OCA2: variants seen among roughly 807,000 people sequenced by gnomAD.
OCA2 encodes the protein OCA2 melanosomal transmembrane protein.
A neutral mutation model predicts 100.2 loss-of-function variants in OCA2; 77 were observed. The ratio of observed to expected loss-of-function variants is 0.77; its 90% CI spans 0.64 to 0.93. The LOEUF is 0.93. Among genes scored for constraint, OCA2 ranks in the 40% least tolerant of loss-of-function variants. The pLI is 0.00. For missense variants in OCA2, 1,062 were observed against 1,089.1 expected, an observed-to-expected ratio of 0.98 and a Z score of 0.35; for synonymous variants, 432 against 439.2, an observed-to-expected ratio of 0.98 and a Z score of 0.21.
At chr15:27,886,920 C>G (rs2037245689) in intron 19 of OCA2, among the ~76,000 whole-genome samples, 1 of 152,154 alleles carries the variant, frequency 6.6e-6, no homozygotes. Flanking sequence ...TGTCCCCACC[C>G]AAATCTCATC....
the OCA2 span, among the ~76,000 whole-genome samples, chr15:27,738,246 CA>C: frequency 6.6e-6 from 1 of 152,070 alleles, no homozygotes; most frequent in Non-Finnish European, 1.5e-5. Context: ...GACCTAGAAA[CA>C]AAAAACAGCC....
intron 14 of OCA2, among the ~76,000 whole-genome samples, chr15:27,974,345 G>A (rs1056695115): frequency 2.6e-5 from 4 of 152,218 alleles, no homozygotes; most frequent in African/African-American, 9.7e-5. Flanking sequence ...ATGTATGGCT[G>A]TGCTGTCACT....
At chr15:27,959,017 C>T (rs554322081) in intron 15 of OCA2, among the ~76,000 whole-genome samples, 9 of 152,256 alleles carry the variant, frequency 5.9e-5, no homozygotes, top group East Asian at 5.8e-4. Context: ...TCACCCACTG[C>T]GTGGCAGACC....
chr15:27,816,801 T>C (rs535243029), intron 23 of OCA2, among the ~76,000 whole-genome samples: 96 of 152,240 alleles, frequency 6.3e-4, no homozygotes, highest in African/African-American at 2.2e-3. Flanking sequence ...ACGTGGCCTA[T>C]AGGAGCAGGA....
chr15:27,832,964 C>T (rs2035019230), intron 23 of OCA2, among the ~76,000 whole-genome samples: 1 of 150,918 alleles, frequency 6.6e-6, no homozygotes, highest in Non-Finnish European at 1.5e-5. Flanking sequence ...CAGGCATATG[C>T]CACCACGCCC....
chr15:27,930,793 G>A (rs2039222027), intron 18 of OCA2, among the ~76,000 whole-genome samples: 1 of 151,602 alleles, frequency 6.6e-6, no homozygotes, highest in African/African-American at 2.4e-5. Context: ...TCAGGGCAGG[G>A]GTCTGACACT....
intron 9 of OCA2, among the ~76,000 whole-genome samples, chr15:28,014,318 G>A (rs553661232): frequency 4.6e-5 from 7 of 152,282 alleles, no homozygotes; most frequent in South Asian, 2.1e-4. Context: ...GTTGGTAGAC[G>A]GAACAGATAA....
chr15:28,014,976 G>C, intron 8 of OCA2, 47 bp from the exon 9 acceptor site: 1 of 1,602,056 alleles, frequency 6.2e-7, no homozygotes, highest in Non-Finnish European at 8.5e-7. Flanking sequence ...TCAACAGTTA[G>C]GGGACCTCCC....
chr15:28,018,498 G>A lies in OCA2; in HGVS notation c.706C>T (p.Leu236=), dbSNP rs759177084. The A allele has an allele frequency of 6.2e-7, 1 of 1,613,714 alleles. No homozygotes were observed. Among genetic ancestry groups the A allele is most frequent in the East Asian group, 2.2e-5 (1 of 44,876 alleles). ...TLLQVDLAGA[L]VASGPSRPGR... is the part of the protein sequence containing the mutation. ...GGACGACTCGGCCCACTGGCCACTA[G>A]GGCCCCTGCCAGGTCCACCTGCAGC... The change falls in exon 7 of 24, where the codon CTA becomes TTA. Residue 236 remains leucine, a synonymous_variant. Transcript: ENST00000354638.
At chr15:27,720,954 C>T in the OCA2 span, among the ~76,000 whole-genome samples, 48 of 152,214 alleles carry the variant, frequency 3.2e-4, no homozygotes, top group South Asian at 2.3e-3. Context: ...GAAGCTCCTG[C>T]GTGAGTTCAT....
At chr15:27,760,189 C>T (rs926704958) in intron 23 of OCA2, among the ~76,000 whole-genome samples, 1 of 151,682 alleles carries the variant, frequency 6.6e-6, no homozygotes, top group East Asian at 1.9e-4. Context: ...AGTAAAAAAA[C>T]CACATGGAAC....
In OCA2 at chr15:27,831,284, C is replaced by CAAAAAAAAAAAAAAA. The variant is rs71132824; in HGVS notation, c.2432+13660_2432+13674dup. On this transcript the variant is annotated intron_variant, in intron 23 of 23. Transcript: ENST00000354638. ...CTGGTGACAGAGCGAGACTCCGTCT[C>CAAAAAAAAAAAAAAA]AAAAAAAAAAAAAAAAAAAAAATCG... Among the ~76,000 whole-genome samples, 113 of 62,594 alleles carry CAAAAAAAAAAAAAAA rather than the reference C, an allele frequency of 1.8e-3. 13 individuals are homozygous for CAAAAAAAAAAAAAAA. The highest frequency in any genetic ancestry group is 7.9e-3 in the East Asian group (15 of 1,890). 41.1% of individuals were successfully genotyped at this position (62,594 alleles called of 152,430 possible).
intron 2 of OCA2, among the ~76,000 whole-genome samples, chr15:28,044,709 A>C (rs2043298857): frequency 6.6e-6 from 1 of 152,186 alleles, no homozygotes; most frequent in Non-Finnish European, 1.5e-5. Context: ...GTCCATATGC[A>C]CTGTGAATTA....
intron 23 of OCA2, among the ~76,000 whole-genome samples, chr15:27,812,388 C>T (rs535431974): frequency 1.7e-4 from 26 of 152,312 alleles, no homozygotes; most frequent in Admixed American, 5.2e-4. Flanking sequence ...CAGGTGCAGA[C>T]GCAGGGAAGG....
intron 23 of OCA2, among the ~76,000 whole-genome samples, chr15:27,799,563 C>G (rs377616482): frequency 6.6e-6 from 1 of 151,976 alleles, no homozygotes; most frequent in South Asian, 2.1e-4. Context: ...TGGCCAACAT[C>G]GTGAAATCCC....
intron 23 of OCA2, among the ~76,000 whole-genome samples, chr15:27,795,288 T>C (rs2033280777): frequency 6.6e-6 from 1 of 152,220 alleles, no homozygotes; most frequent in African/African-American, 2.4e-5. Context: ...AGAGTTGGCC[T>C]GGCCTTTTCA....
the OCA2 span, among the ~76,000 whole-genome samples, chr15:27,720,220 G>A: frequency 1.3e-5 from 2 of 151,806 alleles, no homozygotes; most frequent in South Asian, 2.1e-4. Flanking sequence ...AAATCCAAAC[G>A]TCCATTAAGA....
chr15:27,855,798 T>A (rs1453996975), intron 21 of OCA2, among the ~76,000 whole-genome samples: 1 of 151,970 alleles, frequency 6.6e-6, no homozygotes, highest in East Asian at 1.9e-4. Flanking sequence ...ACAGAAAAAT[T>A]TAAAACTAAT....
At chr15:27,887,832 G>A (rs1022338546) in intron 19 of OCA2, among the ~76,000 whole-genome samples, 1 of 151,010 alleles carries the variant, frequency 6.6e-6, no homozygotes, top group Non-Finnish European at 1.5e-5. Flanking sequence ...AATACCAGGG[G>A]AACATGTCCC....
Sources: allele counts gnomAD v4.1 joint callset (sites outside exome capture counted in the v4.1 genomes callset), GRCh38; gene constraint gnomAD v4.1.1; transcripts MANE v1.5; gene names NCBI Gene and HGNC (gene_info 2026-07-23, HGNC 2026-07-21).